ATRNL1: variants seen among roughly 807,000 people sequenced by gnomAD.
ATRNL1 encodes attractin-like protein 1.
In ATRNL1, 95 loss-of-function variants were observed where a neutral mutation model predicts 182.7. The observed-to-expected ratio is 0.52, with a 90% CI of 0.44 to 0.62. The LOEUF (loss-of-function observed/expected upper bound fraction) is 0.62. ATRNL1 is among the 20% of genes least tolerant of loss of function. ATRNL1 has a pLI of 0.00. For missense variants in ATRNL1, 1,471 were observed against 1,679.5 expected (o/e 0.88, Z 2.17); for synonymous variants, 576 against 568.3 (o/e 1.01, Z -0.19).
chr10:115,488,460 G>A (rs1270788108), intron 24 of ATRNL1, among the ~76,000 whole-genome samples: 2 of 152,184 alleles, frequency 1.3e-5, no homozygotes, highest in African/African-American at 4.8e-5. Context: ...GAGTGTGTAT[G>A]TGTCCAGGAA....
chr10:115,536,860 A>G (rs1398410751), intron 25 of ATRNL1, among the ~76,000 whole-genome samples: 1 of 152,248 alleles, frequency 6.6e-6, no homozygotes, highest in Non-Finnish European at 1.5e-5. Context: ...AACCTAATTT[A>G]GTCACAGGAT....
At chr10:115,759,654 C>T (rs1044002479) in intron 27 of ATRNL1, among the ~76,000 whole-genome samples, 4 of 151,110 alleles carry the variant, frequency 2.6e-5, no homozygotes, top group Non-Finnish European at 4.4e-5. Flanking sequence ...ATGATATAGT[C>T]ACTAAATATT....
At chr10:115,662,524 C>A (rs1189139940) in intron 26 of ATRNL1, among the ~76,000 whole-genome samples, 4 of 152,078 alleles carry the variant, frequency 2.6e-5, no homozygotes, top group African/African-American at 9.7e-5. Context: ...TACTCTTTGA[C>A]CAGTTACCTG....
chr10:115,506,983 A>C (rs1850148375), intron 24 of ATRNL1, among the ~76,000 whole-genome samples: 1 of 152,102 alleles, frequency 6.6e-6, no homozygotes, highest in African/African-American at 2.4e-5. Context: ...GCCCAAAGTG[A>C]TTAGAACACA....
chr10:115,607,533 A>G (rs569191413), intron 26 of ATRNL1, among the ~76,000 whole-genome samples: 2 of 151,970 alleles, frequency 1.3e-5, no homozygotes, highest in East Asian at 1.9e-4. Context: ...CCAATTCTAT[A>G]TGGTAGAGAC....
chr10:115,320,911 G>T (rs1854550287), intron 18 of ATRNL1, among the ~76,000 whole-genome samples: 1 of 151,814 alleles, frequency 6.6e-6, no homozygotes, highest in Admixed American at 6.5e-5. Flanking sequence ...CTGCGCCCTT[G>T]CTGGAGAGAT....
intron 27 of ATRNL1, among the ~76,000 whole-genome samples, chr10:115,828,749 C>G (rs544958774): frequency 1.3e-5 from 2 of 152,262 alleles, no homozygotes; most frequent in Non-Finnish European, 2.9e-5. Context: ...TCATAATAGT[C>G]TATTAAATGG....
rs535446276 is a variant in ATRNL1 at position 115,428,752 on chromosome 10, C to G, written c.3322+2450C>G. Among the ~76,000 whole-genome samples the G allele has an allele frequency of 1.5e-3, 232 of 152,090 alleles. 1 individual carries two copies. The highest frequency in any genetic ancestry group is 5.1e-3 in the African/African-American group (210 of 41,528). On this transcript the variant is annotated intron_variant, in intron 21 of 28. Coordinates refer to ENST00000355044, the MANE Select transcript of ATRNL1 (RefSeq NM_207303.4). ...TTTTGTCCATTCATAAGTTCATGGA[C>G]ATTGGGATTTTTTTCTAGGTTTTGT...
chr10:115,822,246 A>G (rs1375140729), intron 27 of ATRNL1, among the ~76,000 whole-genome samples: 1 of 152,200 alleles, frequency 6.6e-6, no homozygotes, highest in Non-Finnish European at 1.5e-5. Context: ...ACAAGAACAC[A>G]ACACACCAGA....
chr10:115,750,187 T>C (rs1327005986), intron 27 of ATRNL1, among the ~76,000 whole-genome samples: 2 of 151,922 alleles, frequency 1.3e-5, no homozygotes, highest in African/African-American at 4.8e-5. Context: ...AATAAAATAC[T>C]TTAATTTCAA....
At chr10:115,596,667 C>A (rs1328128353) in intron 26 of ATRNL1, among the ~76,000 whole-genome samples, 1 of 152,026 alleles carries the variant, frequency 6.6e-6, no homozygotes, top group Non-Finnish European at 1.5e-5. Context: ...AGAGCTAGGA[C>A]AGTATTGGAA....
chr10:115,893,122 A>G (rs1484788815), intron 28 of ATRNL1, among the ~76,000 whole-genome samples: 2 of 152,314 alleles, frequency 1.3e-5, no homozygotes, highest in African/African-American at 4.8e-5. Context: ...CTCAGGAACC[A>G]CTGCTGACAA....
At chr10:115,856,571 A>G (rs1951193870) in intron 28 of ATRNL1, among the ~76,000 whole-genome samples, 1 of 151,944 alleles carries the variant, frequency 6.6e-6, no homozygotes, top group Non-Finnish European at 1.5e-5. Context: ...CGTGGAAGAC[A>G]ATTTTCCACA....
intron 26 of ATRNL1, among the ~76,000 whole-genome samples, chr10:115,621,272 T>G (rs1343952002): frequency 1.5e-3 from 74 of 48,428 alleles, no homozygotes; most frequent in African/African-American, 3.0e-3. Flanking sequence ...TATATATATA[T>G]ATATAGAGAG....
intron 25 of ATRNL1, among the ~76,000 whole-genome samples, chr10:115,531,554 A>G (rs1851583628): frequency 6.6e-6 from 1 of 150,496 alleles, no homozygotes; most frequent in Admixed American, 6.6e-5. Context: ...GTAGGTTGTG[A>G]AAATTTTCTC....
Position 115,919,999 on chromosome 10 carries a change from G to A in ATRNL1, c.4019-24659G>A, listed in dbSNP as rs188627661. On this transcript the variant is annotated intron_variant, in intron 28 of 28. Transcript: ENST00000355044. The stretch of plus-strand genomic sequence containing the variant: ...GCTAAGATTTCAACACGTGGATTTG[G>A]GGGAGACATATTCACTCAATAACCC... Among the ~76,000 whole-genome samples the A allele has an allele frequency of 7.3e-3, 1,118 of 152,204 alleles. 7 individuals carry two copies. The highest frequency in any genetic ancestry group is 0.013 in the Non-Finnish European group (864 of 68,018).
At chr10:115,815,872 A>T (rs1950152830) in intron 27 of ATRNL1, among the ~76,000 whole-genome samples, 1 of 152,244 alleles carries the variant, frequency 6.6e-6, no homozygotes, top group Non-Finnish European at 1.5e-5. Flanking sequence ...AATTCTTTTT[A>T]AAAATCACAT....
intron 27 of ATRNL1, among the ~76,000 whole-genome samples, chr10:115,786,715 G>T (rs1374755164): frequency 6.6e-6 from 1 of 152,162 alleles, no homozygotes; most frequent in East Asian, 1.9e-4. Flanking sequence ...ATTCAACCCA[G>T]TATGTGTTCT....
At chr10:115,439,876 A>T (rs1554965386) in intron 21 of ATRNL1, among the ~76,000 whole-genome samples, 1 of 151,928 alleles carries the variant, frequency 6.6e-6, no homozygotes. Context: ...CCATACATTG[A>T]TTATTCTTAT....
Sources: gnomAD v4.1 joint callset for allele counts (sites outside exome capture counted in the v4.1 genomes callset) on GRCh38, gnomAD v4.1.1 for gene constraint, MANE v1.5 for transcripts, NCBI Gene and HGNC (gene_info 2026-07-23, HGNC 2026-07-21) for gene names.